The following FMNL3 variants were observed in gnomAD, a reference collection of about 807,000 sequenced individuals.
FMNL3 encodes formin-like protein 3.
Under a neutral mutation model 119.6 loss-of-function variants are expected in FMNL3, and 57 were observed. The observed-to-expected ratio is 0.48, with a 90% CI of 0.39 to 0.59. The LOEUF (loss-of-function observed/expected upper bound fraction) is 0.59. Ranked by LOEUF, FMNL3 falls within the 20% of genes least tolerant of loss-of-function variation. FMNL3 has a pLI of 0.00. For synonymous variants in FMNL3, 491 were observed against 507.3 expected (o/e 0.97, Z 0.43); for missense variants, 1,053 against 1,323.5 (o/e 0.80, Z 3.17).
In FMNL3 at chr12:49,645,917, G is replaced by C. The variant is rs748741280; in HGVS notation, c.2996-14C>G. 12 of 1,609,706 alleles carry C rather than the reference G, an allele frequency of 7.5e-6. No homozygotes were observed. The highest frequency in any genetic ancestry group is 1.0e-5 in the Non-Finnish European group (12 of 1,177,872). On this transcript the variant is annotated splice_polypyrimidine_tract_variant and intron_variant, in intron 25 of 25. Transcript: ENST00000335154. The stretch of plus-strand genomic sequence containing the variant: ...GGCAGTGGAGGCCTGTGGGGGAAGA[G>C]AGAGACCTGTGAACAGGATGGGAGG...
In FMNL3 at chr12:49,649,013, G is replaced by A; in HGVS notation, c.2515+16C>T. On this transcript the variant is annotated intron_variant, in intron 21 of 25. Coordinates refer to ENST00000335154, the MANE Select transcript of FMNL3 (RefSeq NM_175736.5). This position sits in a 1 kb window ranked among gnomAD's most constrained non-coding sequence, Gnocchi z 5.6. ...CTGGATGTGAGGGCAGGCCCACCCA[G>A]CCAGGCTCTCCTCACCTGCTGCAGC... 1.3e-6 allele frequency: 2 copies of A among 1,573,426 alleles called. No homozygotes were observed. The highest frequency in any genetic ancestry group is 1.2e-5 in the South Asian group (1 of 82,378).
chr12:49,668,443 C>T (rs778855412), intron 2 of FMNL3, 28 bp downstream of exon 2: 1 of 1,609,534 alleles, frequency 6.2e-7, no homozygotes, highest in South Asian at 1.1e-5. Context: ...CAACTCCCTA[C>T]CTCCCTCCTC....
chr12:49,701,612 C>T (rs1944911520), intron 1 of FMNL3, among the ~76,000 whole-genome samples: 1 of 152,218 alleles, frequency 6.6e-6, no homozygotes, highest in South Asian at 2.1e-4. Context: ...ACTTGATGGA[C>T]CATCGTACAA....
chr12:49,677,026 G>A (rs975063383), intron 1 of FMNL3, among the ~76,000 whole-genome samples: 3 of 152,054 alleles, frequency 2.0e-5, no homozygotes, highest in Non-Finnish European at 4.4e-5. Context: ...TTCTCCATTC[G>A]TATATTCCTT....
chr12:49,693,635 GGTTTTTTTTTTTTT>G lies in FMNL3; in HGVS notation c.126+13406_126+13419del, dbSNP rs1402002579. 1.7e-3 allele frequency among the ~76,000 whole-genome samples: 37 copies of G among 21,242 alleles called. 2 individuals carry two copies. The South Asian group carries it at 0.026, about 15-fold the overall frequency. 13.9% of individuals were successfully genotyped at this position (21,242 alleles called of 152,430 possible). ...CCACCCGCCTCAGCCTCCCAATCTTGGTTTTTTTTTTTTTTTTTTTTTTTTTTTTTGAGACAGAG... is the reference window on the plus strand; with the variant it reads ...CCACCCGCCTCAGCCTCCCAATCTTGTTTTTTTTTTTTTTTTGAGACAGAG... On this transcript the variant is annotated intron_variant, in intron 1 of 25. Transcript: ENST00000335154.
In FMNL3 at chr12:49,638,143, G is replaced by A. The variant is rs1052095763; in HGVS notation, c.*7672C>T. The A allele has an allele frequency of 4.4e-5, 13 of 294,658 alleles. No individual in the cohort carries two copies. The highest frequency in any genetic ancestry group is 1.1e-4 in the African/African-American group (5 of 46,234). 18.3% of individuals were successfully genotyped at this position (294,658 alleles called of 1,614,324 possible). ...AGGTGGAAGAGGTTGGAGTGTACAC[G>A]GGGTACTAAGAGCAAAGGCAAGGGG... On this transcript the variant is annotated 3_prime_UTR_variant, in exon 26 of 26. Coordinates refer to ENST00000335154, the MANE Select transcript of FMNL3 (RefSeq NM_175736.5).
chr12:49,706,929 G>C (rs1296705595), intron 1 of FMNL3, 126 bp downstream of exon 1: 1 of 1,155,406 alleles, frequency 8.7e-7, no homozygotes, highest in Non-Finnish European at 1.2e-6. Context: ...AGACACTGGA[G>C]GCCGGGATCC....
chr12:49,661,019 C>T (rs565526027), intron 5 of FMNL3, among the ~76,000 whole-genome samples: 31 of 152,100 alleles, frequency 2.0e-4, no homozygotes, highest in Non-Finnish European at 4.4e-4. Context: ...TTTCCTGGGA[C>T]GCTGGGGAAA....
chr12:49,705,724 C>G (rs1416144899), intron 1 of FMNL3, among the ~76,000 whole-genome samples: 1 of 152,240 alleles, frequency 6.6e-6, no homozygotes, highest in African/African-American at 2.4e-5. Context: ...CAGAGGGCCA[C>G]AGGATGTATG....
intron 1 of FMNL3, among the ~76,000 whole-genome samples, chr12:49,683,571 G>A (rs1273510798): frequency 6.6e-6 from 1 of 152,024 alleles, no homozygotes; most frequent in African/African-American, 2.4e-5. Flanking sequence ...TTATTTGACT[G>A]TCCCATCATC....
chr12:49,672,879 A>G (rs1312608327), intron 1 of FMNL3, among the ~76,000 whole-genome samples: 1 of 152,184 alleles, frequency 6.6e-6, no homozygotes, highest in Non-Finnish European at 1.5e-5. Context: ...AAAATTCCCA[A>G]CTGTTTTTGT....
In FMNL3 at chr12:49,649,552, T is replaced by C. The variant is rs536022635; in HGVS notation, c.2236-14A>G. On this transcript the variant is annotated splice_polypyrimidine_tract_variant and intron_variant, in intron 18 of 25. Transcript: ENST00000335154. This position sits in a 1 kb window ranked among gnomAD's most constrained non-coding sequence, Gnocchi z 5.6. ...GGCATTGAGTTGCTGTAGGACAATATGAACACTGAAGTAACCCCAGGCTGA... is the reference window on the plus strand; with the variant it reads ...GGCATTGAGTTGCTGTAGGACAATACGAACACTGAAGTAACCCCAGGCTGA... 6.2e-7 allele frequency: 1 copy of C among 1,613,844 alleles called. No homozygotes were observed. The highest frequency in any genetic ancestry group is 1.7e-5 in the Admixed American group (1 of 59,998).
In FMNL3 at chr12:49,637,629, T is replaced by C. The variant is rs373466048; in HGVS notation, c.*8186A>G. ...CCTTCTCTGGCCTGGCTTCCTGCCC[T>C]GCCAGCCTCTCTGCACCCCCTACTA... On this transcript the variant is annotated 3_prime_UTR_variant, in exon 26 of 26. Transcript: ENST00000335154. The C allele has an allele frequency of 2.6e-4, 409 of 1,583,832 alleles. 3 individuals carry two copies. The highest frequency in any genetic ancestry group is 8.4e-5 in the Admixed American group (5 of 59,762).
At chr12:49,652,674 C>G (rs1464261088) in intron 13 of FMNL3, among the ~76,000 whole-genome samples, 6 of 152,158 alleles carry the variant, frequency 3.9e-5, no homozygotes, top group Admixed American at 2.0e-4. Context: ...CAATACAATG[C>G]TCAGCAGAAG....
chr12:49,667,908 A>T (rs1943935143), intron 2 of FMNL3, among the ~76,000 whole-genome samples: 1 of 152,172 alleles, frequency 6.6e-6, no homozygotes, highest in African/African-American at 2.4e-5. Context: ...ATGATCTTCA[A>T]ATGCATGCAA....
intron 25 of FMNL3, among the ~76,000 whole-genome samples, 163 bp from the exon 26 acceptor site, chr12:49,646,066 G>A (rs999327460): frequency 6.6e-6 from 1 of 152,198 alleles, no homozygotes. Context: ...GAAATTGCTG[G>A]TTGGGGAGAT....
intron 8 of FMNL3, among the ~76,000 whole-genome samples, 162 bp downstream of exon 8, chr12:49,656,661 C>A (rs918054460): frequency 6.6e-6 from 1 of 151,876 alleles, no homozygotes; most frequent in South Asian, 2.1e-4. Context: ...GCTGTGTAGA[C>A]CAGAGGAGAG....
At chr12:49,666,332 G>T in intron 2 of FMNL3, 125 bp from the exon 3 acceptor site, 1 of 775,424 alleles carries the variant, frequency 1.3e-6, no homozygotes, top group Non-Finnish European at 2.1e-6. Context: ...GTTGTCACCT[G>T]GCTCTAGATA....
intron 1 of FMNL3, among the ~76,000 whole-genome samples, chr12:49,673,389 CCCCATGTT>C (rs1214110735): frequency 4.1e-4 from 63 of 152,254 alleles, no homozygotes; most frequent in Non-Finnish European, 1.9e-4. Flanking sequence ...AGTGTTCCCA[CCCCATGTT>C]CCCATGTTCC....
Sources: gnomAD v4.1 joint callset for allele counts (sites outside exome capture counted in the v4.1 genomes callset) on GRCh38, gnomAD v4.1.1 for gene constraint, Gnocchi (gnomAD v3.1) non-coding constraint, MANE v1.5 for transcripts, NCBI Gene and HGNC (gene_info 2026-07-23, HGNC 2026-07-21) for gene names.